HDAC9: variants seen among roughly 807,000 people sequenced by gnomAD.
The protein encoded by HDAC9 is histone deacetylase 9.
In HDAC9, 41 loss-of-function variants were observed where a neutral mutation model predicts 139.4. That is an observed-to-expected ratio of 0.29 (90% CI 0.23 to 0.38). The LOEUF is 0.38. HDAC9 is among the 10% of genes least tolerant of loss of function. The pLI, the probability that HDAC9 is intolerant of heterozygous loss-of-function variation, is 1.00. For synonymous variants in HDAC9, 517 were observed against 476.2 expected, an observed-to-expected ratio of 1.09 and a Z score of -1.12; for missense variants, 1,147 against 1,297.0, an observed-to-expected ratio of 0.88 and a Z score of 1.78.
chr7:18,503,058 T>C (rs918345712), intron 2 of HDAC9, among the ~76,000 whole-genome samples: 1 of 152,236 alleles, frequency 6.6e-6, no homozygotes, highest in African/African-American at 2.4e-5. Flanking sequence ...CACTACATTT[T>C]AACATTTTTT....
chr7:18,369,705 A>T (rs1208922531), intron 1 of HDAC9, among the ~76,000 whole-genome samples: 1 of 152,012 alleles, frequency 6.6e-6, no homozygotes, highest in Non-Finnish European at 1.5e-5. Flanking sequence ...TCTATATGTC[A>T]GAAACAGTGT....
chr7:18,866,426 T>C (rs967638090), intron 21 of HDAC9, among the ~76,000 whole-genome samples: 48 of 152,310 alleles, frequency 3.2e-4, no homozygotes, highest in African/African-American at 1.1e-3. Context: ...TAACTCACTT[T>C]ACACATCCTC....
intron 21 of HDAC9, among the ~76,000 whole-genome samples, chr7:18,842,694 C>G (rs759941994): frequency 3.3e-5 from 5 of 152,032 alleles, no homozygotes; most frequent in African/African-American, 1.2e-4. Flanking sequence ...TTTTTTCTCT[C>G]ATCTGTTCAA....
chr7:18,627,635 G>A (rs985461268), intron 6 of HDAC9, among the ~76,000 whole-genome samples: 2 of 152,074 alleles, frequency 1.3e-5, no homozygotes, highest in African/African-American at 4.8e-5. Flanking sequence ...TGCCACTACT[G>A]GAAGATCTGG....
intron 2 of HDAC9, among the ~76,000 whole-genome samples, chr7:18,567,430 T>A (rs907496790): frequency 1.8e-4 from 28 of 152,362 alleles, no homozygotes; most frequent in African/African-American, 6.5e-4. Flanking sequence ...TCAAGATTTA[T>A]AAATTCCAAG....
intron 1 of HDAC9, among the ~76,000 whole-genome samples, chr7:18,117,632 A>G (rs1342694280): frequency 6.6e-6 from 1 of 152,190 alleles, no homozygotes; most frequent in Non-Finnish European, 1.5e-5. Context: ...GCACCCACTG[A>G]AGAATGCTAA....
At chr7:18,125,624 C>A (rs1784617284) in intron 1 of HDAC9, among the ~76,000 whole-genome samples, 1 of 151,960 alleles carries the variant, frequency 6.6e-6, no homozygotes, top group African/African-American at 2.4e-5. Context: ...TTATCTATCT[C>A]AGGGGTCGGC....
chr7:18,432,406 G>T (rs1006938014), intron 1 of HDAC9, among the ~76,000 whole-genome samples: 1 of 152,102 alleles, frequency 6.6e-6, no homozygotes, highest in Non-Finnish European at 1.5e-5. Context: ...CTAGTATGAG[G>T]GTCTTGCACA....
At chr7:18,854,711 GTAAA>G (rs983306095) in intron 21 of HDAC9, among the ~76,000 whole-genome samples, 2 of 151,882 alleles carry the variant, frequency 1.3e-5, no homozygotes, top group African/African-American at 2.4e-5. Context: ...TAATAGAAGA[GTAAA>G]TAATCAAATT....
At chr7:18,236,115 GACCAATGAGGAGCT>G (rs1212256127) in intron 2 of HDAC9, among the ~76,000 whole-genome samples, 16 of 152,152 alleles carry the variant, frequency 1.1e-4, no homozygotes, top group African/African-American at 3.4e-4. Context: ...ACTGGAAAAA[GACCAATGAGGAGCT>G]AATGTCACCT....
At chr7:18,777,379 A>C (rs1790864536) in intron 16 of HDAC9, among the ~76,000 whole-genome samples, 1 of 151,944 alleles carries the variant, frequency 6.6e-6, no homozygotes, top group African/African-American at 2.4e-5. Flanking sequence ...TGTCTTCTTG[A>C]ATGACATTGT....
chr7:18,724,002 A>G (rs996236374), intron 12 of HDAC9, among the ~76,000 whole-genome samples: 2 of 152,200 alleles, frequency 1.3e-5, no homozygotes, highest in African/African-American at 4.8e-5. Context: ...TCAACGTTAT[A>G]CAAGGAAAGA....
chr7:18,290,416 C>T, upstream of HDAC9: 2 of 453,754 alleles, frequency 4.4e-6, no homozygotes, highest in African/African-American at 2.0e-5. Flanking sequence ...TTCCTTGTGG[C>T]TCTTTAATAT....
At chr7:18,833,759 T>G (rs893132448) in intron 19 of HDAC9, among the ~76,000 whole-genome samples, 1 of 152,188 alleles carries the variant, frequency 6.6e-6, no homozygotes, top group Non-Finnish European at 1.5e-5. Flanking sequence ...ATTTTGGATA[T>G]GTGTACCATT....
intron 22 of HDAC9, among the ~76,000 whole-genome samples, chr7:18,928,844 TAA>T (rs1249282013): frequency 1.3e-5 from 2 of 151,964 alleles, no homozygotes; most frequent in Non-Finnish European, 2.9e-5. Context: ...ATTTATCAAA[TAA>T]AAGATAACAC....
chr7:18,469,203 G>C (rs1287420046), intron 1 of HDAC9, among the ~76,000 whole-genome samples: 1 of 152,152 alleles, frequency 6.6e-6, no homozygotes, highest in Non-Finnish European at 1.5e-5. Flanking sequence ...ACCTATGTAT[G>C]TGTATGTGAT....
chr7:18,537,273 TG>T (rs1811215761), intron 2 of HDAC9, among the ~76,000 whole-genome samples: 1 of 152,196 alleles, frequency 6.6e-6, no homozygotes, highest in Non-Finnish European at 1.5e-5. Flanking sequence ...GAAACATATC[TG>T]TTATCGTTGT....
chr7:18,232,974 A>G (rs945479298), intron 2 of HDAC9, among the ~76,000 whole-genome samples: 3 of 152,174 alleles, frequency 2.0e-5, no homozygotes, highest in African/African-American at 7.2e-5. Flanking sequence ...CTCTTCTCTC[A>G]GATATCTAGG....
intron 21 of HDAC9, among the ~76,000 whole-genome samples, chr7:18,873,042 C>G (rs532669239): frequency 1.3e-5 from 2 of 151,870 alleles, no homozygotes; most frequent in Non-Finnish European, 2.9e-5. Flanking sequence ...CTCTAATATC[C>G]CAACATACAC....
Sources: allele counts gnomAD v4.1 joint callset (sites outside exome capture counted in the v4.1 genomes callset), GRCh38; gene constraint gnomAD v4.1.1; transcripts MANE v1.5; gene names NCBI Gene and HGNC (gene_info 2026-07-23, HGNC 2026-07-21).